IPCEF1: variants seen among roughly 807,000 people sequenced by gnomAD.
IPCEF1 encodes interactor protein for cytohesin exchange factors 1.
Under a neutral mutation model 50.9 loss-of-function variants are expected in IPCEF1, and 31 were observed. The observed-to-expected ratio is 0.61, with a 90% CI of 0.46 to 0.82. IPCEF1 has a LOEUF of 0.82. IPCEF1 is among the 40% of genes least tolerant of loss of function. The pLI, the probability that IPCEF1 is intolerant of heterozygous loss-of-function variation, is 0.00. For synonymous variants in IPCEF1, 181 were observed against 192.0 expected, an observed-to-expected ratio of 0.94 and a Z score of 0.47; for missense variants, 458 against 514.0, an observed-to-expected ratio of 0.89 and a Z score of 1.05.
chr6:154,168,127 A>G lies in IPCEF1; in HGVS notation c.911-14T>C, dbSNP rs1260739398. ...CTTTTGTCTCTTCTATTTGAAAAAA[A>G]AAAAGAAAGCAGTAACAATAAACCC... On this transcript the variant is annotated splice_polypyrimidine_tract_variant and intron_variant, in intron 10 of 11. Coordinates refer to ENST00000367220, the MANE Select transcript of IPCEF1 (RefSeq NM_001130700.2). This position sits in a 1 kb window ranked among gnomAD's most constrained non-coding sequence, Gnocchi z 4.1. 3.3e-6 allele frequency: 5 copies of G among 1,525,862 alleles called. No individual in the cohort carries two copies. The highest frequency in any genetic ancestry group is 2.0e-5 in the Admixed American group (1 of 49,356). 94.5% of individuals were successfully genotyped at this position (1,525,862 alleles called of 1,614,324 possible).
chr6:154,279,692 A>G (rs1367199150), intron 2 of IPCEF1, among the ~76,000 whole-genome samples: 1 of 152,242 alleles, frequency 6.6e-6, no homozygotes, highest in African/African-American at 2.4e-5. Context: ...AAGAATTCCC[A>G]TTCATCAAAA....
intron 1 of IPCEF1, among the ~76,000 whole-genome samples, chr6:154,297,353 T>G (rs1056615691): frequency 6.6e-6 from 1 of 152,114 alleles, no homozygotes; most frequent in Non-Finnish European, 1.5e-5. Flanking sequence ...AGTCATTACC[T>G]TTCTAGGTGT....
chr6:154,330,944 G>T (rs1783644245), intron 1 of IPCEF1, among the ~76,000 whole-genome samples: 1 of 152,170 alleles, frequency 6.6e-6, no homozygotes, highest in African/African-American at 2.4e-5. Flanking sequence ...GGGCAGGAGA[G>T]GGCTCCTTCC....
chr6:154,289,627 G>C (rs1171964314), intron 2 of IPCEF1, 86 bp downstream of exon 2: 1 of 152,020 alleles, frequency 6.6e-6, no homozygotes, highest in African/African-American at 2.4e-5. Context: ...TCACAAACTA[G>C]AATAACAAAG....
At chr6:154,266,426 T>C (rs1172069175) in intron 2 of IPCEF1, among the ~76,000 whole-genome samples, 2 of 151,886 alleles carry the variant, frequency 1.3e-5, no homozygotes, top group Non-Finnish European at 2.9e-5. Context: ...TAAATAGCTT[T>C]TTATTTCAGA....
intron 10 of IPCEF1, among the ~76,000 whole-genome samples, chr6:154,184,680 T>C (rs1406728833): frequency 6.6e-6 from 1 of 152,110 alleles, no homozygotes; most frequent in Non-Finnish European, 1.5e-5. Flanking sequence ...TACAATATAT[T>C]TTTTTCGAAT....
At chr6:154,355,818 T>A (rs1056008506) in intron 1 of IPCEF1, among the ~76,000 whole-genome samples, 4 of 151,632 alleles carry the variant, frequency 2.6e-5, no homozygotes, top group African/African-American at 9.7e-5. Flanking sequence ...TTCTTTCTTT[T>A]TTTTTTTCTT....
At position 154,160,029 on chromosome 6, in the gene IPCEF1, A is replaced by G. The variant is rs756439887; in HGVS notation, c.1116T>C (p.His372=). 1 of 1,611,362 alleles carries G rather than the reference A, an allele frequency of 6.2e-7. No homozygotes were observed. Among genetic ancestry groups the G allele is most frequent in the South Asian group, 1.1e-5 (1 of 90,714 alleles). The change falls in exon 12 of 12, where the codon CAT becomes CAC. Residue 372 remains histidine, a synonymous_variant. Transcript: ENST00000367220. ...GCAACTGGTTAATCATGGCCAGATC[A>G]TGTTCTTTACACTGTGTGAGTAGAA... The part of the protein sequence containing the change: ...TLNSTLKCKE[H]DLAMINQLLD...
chr6:154,354,492 CGT>C (rs1784179594), intron 1 of IPCEF1, among the ~76,000 whole-genome samples: 2 of 139,098 alleles, frequency 1.4e-5, no homozygotes, highest in African/African-American at 5.5e-5. Context: ...CCATCTCTAC[CGT>C]CACTTCCACC....
intron 2 of IPCEF1, among the ~76,000 whole-genome samples, chr6:154,277,345 C>G (rs1460078622): frequency 6.6e-6 from 1 of 152,180 alleles, no homozygotes; most frequent in African/African-American, 2.4e-5. Flanking sequence ...TTAAATACCC[C>G]CCATCCCAAA....
chr6:154,338,327 T>C (rs1783832133), intron 1 of IPCEF1, among the ~76,000 whole-genome samples: 1 of 152,226 alleles, frequency 6.6e-6, no homozygotes, highest in South Asian at 2.1e-4. Flanking sequence ...CCTCATGTAC[T>C]CTAACCCTGC....
chr6:154,185,417 T>C (rs900760838), intron 10 of IPCEF1, among the ~76,000 whole-genome samples: 2 of 152,198 alleles, frequency 1.3e-5, no homozygotes, highest in African/African-American at 4.8e-5. Flanking sequence ...AAGTTAGAGT[T>C]TAGATTGTGA....
chr6:154,162,424 G>T (rs1799100981), intron 11 of IPCEF1, among the ~76,000 whole-genome samples: 1 of 152,156 alleles, frequency 6.6e-6, no homozygotes, highest in Admixed American at 6.5e-5. Flanking sequence ...CTCTTGTGAA[G>T]ACCATCAGTG....
chr6:154,336,307 T>G (rs148045945), intron 1 of IPCEF1, among the ~76,000 whole-genome samples: 1 of 152,318 alleles, frequency 6.6e-6, no homozygotes, highest in Admixed American at 6.5e-5. Context: ...GAAAATGTGG[T>G]ATATGTACAC....
chr6:154,296,808 G>A (rs983973204), intron 1 of IPCEF1, among the ~76,000 whole-genome samples: 25 of 143,738 alleles, frequency 1.7e-4, no homozygotes, highest in African/African-American at 5.7e-4. Flanking sequence ...CAGCCTGGGC[G>A]ACAGAGAGAG....
intron 1 of IPCEF1, among the ~76,000 whole-genome samples, chr6:154,333,070 G>C (rs574256674): frequency 2.0e-5 from 3 of 152,114 alleles, no homozygotes; most frequent in Admixed American, 6.5e-5. Flanking sequence ...GGCTCCCAAC[G>C]CTAGATTAAC....
At chr6:154,266,846 C>G (rs1380818946) in intron 2 of IPCEF1, among the ~76,000 whole-genome samples, 1 of 151,998 alleles carries the variant, frequency 6.6e-6, no homozygotes, top group African/African-American at 2.4e-5. Flanking sequence ...AAAAAATCCT[C>G]ATGTTTTCAA....
rs751672735 is a variant in IPCEF1 at position 154,312,636 on chromosome 6, G to A, written c.-61-22880C>T. Among the ~76,000 whole-genome samples, 10 of 152,096 alleles carry A rather than the reference G, an allele frequency of 6.6e-5. No individual in the cohort carries two copies. In the East Asian group the frequency reaches 7.7e-4, roughly 12 times the overall value. On this transcript the variant is annotated intron_variant, in intron 1 of 11. Transcript: ENST00000367220. ...GCTGGGATTACAGGTGTGAGCCACC[G>A]CACCTGGCCAGAATCAAAACTTTTA...
chr6:154,280,377 G>A (rs1782175637), intron 2 of IPCEF1, among the ~76,000 whole-genome samples: 1 of 152,136 alleles, frequency 6.6e-6, no homozygotes, highest in Admixed American at 6.6e-5. Context: ...ACCAGCCTGG[G>A]CAACAAAGTG....
Sources: allele counts gnomAD v4.1 joint callset (sites outside exome capture counted in the v4.1 genomes callset), GRCh38; gene constraint gnomAD v4.1.1; non-coding constraint Gnocchi (gnomAD v3.1); transcripts MANE v1.5; gene names NCBI Gene and HGNC (gene_info 2026-07-23, HGNC 2026-07-21).